HS3ST5: variants seen among roughly 807,000 people sequenced by gnomAD.
HS3ST5 encodes heparan sulfate-glucosamine 3-sulfotransferase 5, also known as heparan sulfate glucosamine 3-O-sulfotransferase 5.
A neutral mutation model predicts 25.4 loss-of-function variants in HS3ST5; 10 were observed. The observed-to-expected ratio is 0.39, with a 90% CI of 0.24 to 0.67. The LOEUF is 0.67. Ranked by LOEUF, HS3ST5 falls within the 30% of genes least tolerant of loss-of-function variation. The probability of loss-of-function intolerance (pLI) is 0.44; values close to 1 mark genes in which losing one functional copy is unlikely to be tolerated. For synonymous variants in HS3ST5, 170 were observed against 162.4 expected (o/e 1.05, Z -0.36); for missense variants, 324 against 420.7 (o/e 0.77, Z 2.01).
At chr6:114,214,275 T>G (rs1267401731) in intron 2 of HS3ST5, among the ~76,000 whole-genome samples, 1 of 152,230 alleles carries the variant, frequency 6.6e-6, no homozygotes, top group Non-Finnish European at 1.5e-5. Context: ...TTGCATAACT[T>G]TTAACTAAAC....
intron 1 of HS3ST5, among the ~76,000 whole-genome samples, chr6:114,306,117 A>G (rs1775276542): frequency 6.6e-6 from 1 of 151,838 alleles, no homozygotes; most frequent in Non-Finnish European, 1.5e-5. Context: ...TTAAATAATT[A>G]TGACTATTAA....
chr6:114,154,040 C>G (rs1778583591), intron 3 of HS3ST5, among the ~76,000 whole-genome samples: 1 of 152,134 alleles, frequency 6.6e-6, no homozygotes, highest in South Asian at 2.1e-4. Context: ...GTTTTAGTTC[C>G]TGGGTCTCAG....
intron 1 of HS3ST5, among the ~76,000 whole-genome samples, chr6:114,250,367 G>C (rs1395757829): frequency 1.3e-5 from 2 of 152,148 alleles, no homozygotes; most frequent in Non-Finnish European, 2.9e-5. Flanking sequence ...AGATCACAAG[G>C]TCAGAAGATC....
At chr6:114,203,590 C>T (rs554639631) in intron 2 of HS3ST5, among the ~76,000 whole-genome samples, 4 of 152,112 alleles carry the variant, frequency 2.6e-5, no homozygotes, top group African/African-American at 9.7e-5. Context: ...CTGATGACAG[C>T]CCAAATGCAC....
At chr6:114,299,185 T>G (rs1254588052) in intron 1 of HS3ST5, among the ~76,000 whole-genome samples, 2 of 152,136 alleles carry the variant, frequency 1.3e-5, no homozygotes, top group Non-Finnish European at 2.9e-5. Flanking sequence ...GGTGTAGCCA[T>G]CTTCTATGGT....
intron 2 of HS3ST5, among the ~76,000 whole-genome samples, chr6:114,217,192 A>C (rs1348138675): frequency 2.6e-5 from 4 of 152,220 alleles, no homozygotes; most frequent in Non-Finnish European, 5.9e-5. Context: ...GGGTGAGTTC[A>C]ATTTCAACTC....
At chr6:114,287,015 T>C (rs1472332369) in intron 1 of HS3ST5, among the ~76,000 whole-genome samples, 1 of 151,950 alleles carries the variant, frequency 6.6e-6, no homozygotes, top group African/African-American at 2.4e-5. Context: ...ATAACTGAAG[T>C]TGTGCTTGAA....
chr6:114,201,623 CTT>C (rs1781018905), intron 2 of HS3ST5, among the ~76,000 whole-genome samples: 1 of 152,184 alleles, frequency 6.6e-6, no homozygotes. Flanking sequence ...TTCTTCAAGA[CTT>C]TGCCTAAACG....
intron 3 of HS3ST5, among the ~76,000 whole-genome samples, chr6:114,106,760 G>A (rs921775339): frequency 2.0e-5 from 3 of 151,998 alleles, no homozygotes; most frequent in Non-Finnish European, 4.4e-5. Context: ...TGAAAATCAA[G>A]ACAAGGTTCT....
At chr6:114,340,887 C>A (rs1395742505) in intron 1 of HS3ST5, 2 of 152,000 alleles carry the variant, frequency 1.3e-5, no homozygotes, top group African/African-American at 4.8e-5. Flanking sequence ...CTTTGAGAAG[C>A]ACCAGCTGTT....
chr6:114,058,296 C>T, intron 4 of HS3ST5, 106 bp from the exon 5 acceptor site: 1 of 794,718 alleles, frequency 1.3e-6, no homozygotes, highest in Non-Finnish European at 2.0e-6. Context: ...GCCACTGGTT[C>T]CCAGCCTGCT....
In HS3ST5 at chr6:114,262,735, A is replaced by G. The variant is rs1283271392; in HGVS notation, c.-338-33957T>C. Among the ~76,000 whole-genome samples, 14 of 152,212 alleles carry G rather than the reference A, an allele frequency of 9.2e-5. 1 individual carries two copies. Among genetic ancestry groups the G allele is most frequent in the Admixed American group, 5.9e-4 (9 of 15,286 alleles). On this transcript the variant is annotated intron_variant, in intron 1 of 4. Transcript: ENST00000312719. The stretch of plus-strand genomic sequence containing the variant: ...GCAATAATATTTAACAATAAAGATA[A>G]AAGCAAAAGGAACTTAAAAACTCAA...
intron 2 of HS3ST5, among the ~76,000 whole-genome samples, chr6:114,169,177 A>C (rs1562223941): frequency 6.6e-6 from 1 of 152,180 alleles, no homozygotes; most frequent in Non-Finnish European, 1.5e-5. Flanking sequence ...ACCCTAATAC[A>C]TCATTTCACT....
chr6:114,299,642 A>G (rs1029445586), intron 1 of HS3ST5, among the ~76,000 whole-genome samples: 8 of 152,154 alleles, frequency 5.3e-5, no homozygotes, highest in Non-Finnish European at 1.0e-4. Flanking sequence ...GAAAATAGAA[A>G]AGAACCTACG....
chr6:114,127,704 C>A (rs299409), intron 3 of HS3ST5, among the ~76,000 whole-genome samples: 1,553 of 152,128 alleles, frequency 0.01, 32 homozygotes, highest in African/African-American at 0.035. Context: ...ATGAATTAAT[C>A]AACAAAATGT....
intron 1 of HS3ST5, among the ~76,000 whole-genome samples, chr6:114,255,915 AT>A (rs1772887057): frequency 6.6e-6 from 1 of 151,928 alleles, no homozygotes; most frequent in South Asian, 2.1e-4. Flanking sequence ...CATTTTCCCC[AT>A]TGTCTTGGTG....
intron 1 of HS3ST5, chr6:114,235,756 A>T (rs1771827814): frequency 6.6e-6 from 1 of 152,230 alleles, no homozygotes; most frequent in South Asian, 2.1e-4. Flanking sequence ...GTTGATCAGG[A>T]TCCTACACCT....
chr6:114,104,850 C>T (rs1775911530), intron 3 of HS3ST5, among the ~76,000 whole-genome samples: 1 of 152,344 alleles, frequency 6.6e-6, no homozygotes, highest in Middle Eastern at 3.4e-3. Flanking sequence ...ACCCAAACCT[C>T]AATTTTTACC....
chr6:114,062,267 C>G (rs1031088343), intron 4 of HS3ST5, among the ~76,000 whole-genome samples: 3 of 152,162 alleles, frequency 2.0e-5, no homozygotes, highest in Admixed American at 6.5e-5. Context: ...CCCACGCCTG[C>G]AGCCATCTTT....
Sources: allele counts gnomAD v4.1 joint callset (sites outside exome capture counted in the v4.1 genomes callset), GRCh38; gene constraint gnomAD v4.1.1; transcripts MANE v1.5; gene names NCBI Gene and HGNC (gene_info 2026-07-23, HGNC 2026-07-21).